The following DLGAP4 variants were observed in gnomAD, a reference collection of about 807,000 sequenced individuals.
DLGAP4 encodes DLG associated protein 4.
A neutral mutation model predicts 86.9 loss-of-function variants in DLGAP4; 18 were observed. The observed-to-expected ratio is 0.21, with a 90% confidence interval of 0.14 to 0.31. The LOEUF is 0.31. Ranked by LOEUF, DLGAP4 falls within the 10% of genes least tolerant of loss-of-function variation. The pLI, the probability that DLGAP4 is intolerant of heterozygous loss-of-function variation, is 1.00. For synonymous variants in DLGAP4, 548 were observed against 574.3 expected (o/e 0.95, Z 0.65); for missense variants, 1,085 against 1,362.6 (o/e 0.80, Z 3.21).
chr20:36,312,842 G>C (rs959401463), intron 1 of DLGAP4, among the ~76,000 whole-genome samples: 3 of 152,166 alleles, frequency 2.0e-5, no homozygotes, highest in African/African-American at 7.2e-5. Context: ...GTGGGTCCGG[G>C]AGGCTTTCTG....
intron 1 of DLGAP4, among the ~76,000 whole-genome samples, chr20:36,345,998 C>A (rs1297809359): frequency 6.6e-6 from 1 of 152,222 alleles, no homozygotes; most frequent in Non-Finnish European, 1.5e-5. Flanking sequence ...CTCAAGCAAT[C>A]CTCTTGCCTT....
chr20:36,312,784 G>C (rs1436861710), intron 1 of DLGAP4, among the ~76,000 whole-genome samples: 1 of 152,146 alleles, frequency 6.6e-6, no homozygotes, highest in Non-Finnish European at 1.5e-5. Flanking sequence ...CTGGGTTCAG[G>C]TGTTTTTCTT....
At chr20:36,325,124 AGC>A (rs1555890927) in intron 1 of DLGAP4, among the ~76,000 whole-genome samples, 2 of 152,146 alleles carry the variant, frequency 1.3e-5, no homozygotes, top group African/African-American at 4.8e-5. Flanking sequence ...GTACTGCTTT[AGC>A]AGCACCCCAC....
At chr20:36,417,773 GT>G (rs991815088) in intron 2 of DLGAP4, among the ~76,000 whole-genome samples, 219 of 31,054 alleles carry the variant, frequency 7.1e-3, no homozygotes, top group South Asian at 0.022. Context: ...GGTTTTTTTG[GT>G]TTTTTTTTTT....
chr20:36,382,154 A>G (rs2031416707), intron 2 of DLGAP4, among the ~76,000 whole-genome samples: 1 of 152,044 alleles, frequency 6.6e-6, no homozygotes. Flanking sequence ...GAGGGCAGAG[A>G]TCTGGTTTTG....
intron 2 of DLGAP4, among the ~76,000 whole-genome samples, chr20:36,425,963 A>C (rs529505122): frequency 1.3e-5 from 2 of 152,358 alleles, no homozygotes; most frequent in African/African-American, 4.8e-5. Flanking sequence ...TATTCACAAT[A>C]GCCAAAAGGT....
At chr20:36,515,754 T>C (rs1215344141) in intron 10 of DLGAP4, among the ~76,000 whole-genome samples, 3 of 152,202 alleles carry the variant, frequency 2.0e-5, no homozygotes, top group Non-Finnish European at 4.4e-5. Context: ...TTTTCCTCTT[T>C]CTTCCCTTCT....
chr20:36,519,420 TTCTG>T (rs1368403519), intron 10 of DLGAP4, among the ~76,000 whole-genome samples: 3 of 152,240 alleles, frequency 2.0e-5, no homozygotes, highest in African/African-American at 7.2e-5. Context: ...GTTTAGAGTT[TTCTG>T]TCTGTGTGCG....
chr20:36,521,431 A>G (rs554946607), intron 10 of DLGAP4, among the ~76,000 whole-genome samples: 47 of 152,330 alleles, frequency 3.1e-4, no homozygotes, highest in African/African-American at 1.1e-3. Context: ...AGTCTTATAT[A>G]ATAATTAAGA....
chr20:36,320,174 C>T (rs1478381792), intron 1 of DLGAP4, among the ~76,000 whole-genome samples: 2 of 119,442 alleles, frequency 1.7e-5, no homozygotes, highest in African/African-American at 6.3e-5. Context: ...TCTCCCAGGC[C>T]CCCCTCTGTG....
At chr20:36,461,390 C>T in intron 7 of DLGAP4, 2 of 924,840 alleles carry the variant, frequency 2.2e-6, no homozygotes, top group Non-Finnish European at 2.6e-6. Context: ...TCCCTGACGA[C>T]GCGCGCGCGG....
chr20:36,363,837 T>C (rs1209833839), intron 1 of DLGAP4, among the ~76,000 whole-genome samples: 1 of 152,184 alleles, frequency 6.6e-6, no homozygotes, highest in East Asian at 1.9e-4. Flanking sequence ...GAGCACCTCC[T>C]GTGTGCCAGG....
intron 2 of DLGAP4, among the ~76,000 whole-genome samples, chr20:36,385,649 C>G (rs1419835608): frequency 6.6e-6 from 1 of 152,214 alleles, no homozygotes; most frequent in Non-Finnish European, 1.5e-5. Context: ...GGGTCAGTGG[C>G]CAGGCCAGCT....
intron 7 of DLGAP4, among the ~76,000 whole-genome samples, chr20:36,488,581 ATT>A (rs1305568541): frequency 9.1e-5 from 13 of 143,392 alleles, no homozygotes; most frequent in East Asian, 2.0e-4. Context: ...CTGTTGAAAG[ATT>A]TTTTTTTTTT....
intron 1 of DLGAP4, among the ~76,000 whole-genome samples, chr20:36,337,218 T>C (rs1160112402): frequency 1.1e-4 from 17 of 152,190 alleles, no homozygotes; most frequent in Non-Finnish European, 2.4e-4. Context: ...GAGGTCAGGC[T>C]CACTTCAGCC....
At chr20:36,352,979 G>A (rs6129410) in intron 1 of DLGAP4, among the ~76,000 whole-genome samples, 4,540 of 152,280 alleles carry the variant, frequency 0.03, 120 homozygotes, top group East Asian at 0.13. Flanking sequence ...CCCAGGTTCT[G>A]CGCTGCCCTC....
At chr20:36,390,568 G>GT (rs2031750905) in intron 2 of DLGAP4, among the ~76,000 whole-genome samples, 1 of 152,264 alleles carries the variant, frequency 6.6e-6, no homozygotes, top group East Asian at 1.9e-4. Flanking sequence ...GCAATCCTGA[G>GT]TGGGGGGGCA....
At chr20:36,317,321 CTT>C (rs2065117955) in intron 1 of DLGAP4, among the ~76,000 whole-genome samples, 1 of 126 alleles carries the variant, frequency 7.9e-3, no homozygotes. Flanking sequence ...TCCTTCCTTC[CTT>C]CCTTCCTCTT....
chr20:36,454,014 T>C (rs2033814923), intron 7 of DLGAP4, among the ~76,000 whole-genome samples: 2 of 149,316 alleles, frequency 1.3e-5, no homozygotes, highest in African/African-American at 2.5e-5. Context: ...CTCACGCCTG[T>C]AATCCCAGCA....
Sources: allele counts gnomAD v4.1 joint callset (sites outside exome capture counted in the v4.1 genomes callset), GRCh38; gene constraint gnomAD v4.1.1; transcripts MANE v1.5; gene names NCBI Gene and HGNC (gene_info 2026-07-23, HGNC 2026-07-21).